SAV1: variants seen among roughly 807,000 people sequenced by gnomAD.
SAV1 encodes protein salvador homolog 1.
In SAV1, 23 loss-of-function variants were observed where a neutral mutation model predicts 47.3. That is an observed-to-expected ratio of 0.49 (90% CI 0.35 to 0.69). SAV1 has a LOEUF of 0.69. SAV1 is among the 30% of genes least tolerant of loss of function. The pLI is 0.01. For synonymous variants in SAV1, 155 were observed against 159.2 expected (o/e 0.97, Z 0.20); for missense variants, 448 against 457.4 (o/e 0.98, Z 0.19).
At chr14:50,659,723 G>A (rs1294811235) in intron 2 of SAV1, among the ~76,000 whole-genome samples, 1 of 152,178 alleles carries the variant, frequency 6.6e-6, no homozygotes, top group Non-Finnish European at 1.5e-5. Flanking sequence ...GTGCATGCCT[G>A]TAGTCCCAGC....
At chr14:50,636,434 A>G (rs1399188344) in intron 4 of SAV1, among the ~76,000 whole-genome samples, 2 of 152,204 alleles carry the variant, frequency 1.3e-5, no homozygotes, top group Non-Finnish European at 2.9e-5. Flanking sequence ...CAAACAGGAA[A>G]ACTAAAGAAG....
In SAV1 at chr14:50,665,359, C is replaced by T. The variant is rs1161938531; in HGVS notation, c.355G>A (p.Glu119Lys). 6.2e-7 allele frequency: 1 copy of T among 1,612,348 alleles called. No homozygotes were observed. The highest frequency in any genetic ancestry group is 8.5e-7 in the Non-Finnish European group (1 of 1,179,108). The change falls in exon 2 of 5, where the codon GAA (glutamate) becomes AAA (lysine). Residue 119 changes from glutamate (E) to lysine (K), a missense_variant. Physicochemically the swap from Glu to Lys is moderately conservative, Grantham distance 56. Coordinates refer to ENST00000324679, the MANE Select transcript of SAV1 (RefSeq NM_021818.4). ...CCATTTTCAACAGCAAAACTAACTT[C>T]CGTTACAAATGACTGAGAAGAACCA... is the stretch of plus-strand genomic sequence containing the variant. ...EYGSSQSFVT[E>K]VSFAVENGDS...
At chr14:50,647,994 A>G (rs1359219668) in intron 2 of SAV1, among the ~76,000 whole-genome samples, 1 of 152,254 alleles carries the variant, frequency 6.6e-6, no homozygotes, top group Non-Finnish European at 1.5e-5. Context: ...CCATTTGTGG[A>G]TATTTACAAT....
intron 2 of SAV1, among the ~76,000 whole-genome samples, chr14:50,652,386 C>T (rs2039776600): frequency 6.6e-6 from 1 of 152,086 alleles, no homozygotes; most frequent in African/African-American, 2.4e-5. Context: ...AGCATTAATC[C>T]ACCAAATAGC....
chr14:50,644,287 C>T (rs1375377515), intron 3 of SAV1, among the ~76,000 whole-genome samples: 1 of 152,174 alleles, frequency 6.6e-6, no homozygotes, highest in African/African-American at 2.4e-5. Flanking sequence ...TGTTCAGTCC[C>T]AATTTTCACT....
intron 2 of SAV1, among the ~76,000 whole-genome samples, chr14:50,645,891 CAA>C (rs960674847): frequency 2.0e-5 from 3 of 151,978 alleles, no homozygotes; most frequent in African/African-American, 4.8e-5. Context: ...CAACTGGAAA[CAA>C]AAGTTATTGA....
intron 2 of SAV1, 51 bp downstream of exon 2, chr14:50,665,128 T>A: frequency 2.1e-6 from 3 of 1,463,066 alleles, no homozygotes; most frequent in Non-Finnish European, 2.7e-6. Flanking sequence ...ATCTTTTTAA[T>A]TGACATGTCA....
chr14:50,644,560 T>TG (rs1372121816), intron 3 of SAV1, among the ~76,000 whole-genome samples, 184 bp downstream of exon 3: 1 of 101,936 alleles, frequency 9.8e-6, no homozygotes, highest in Admixed American at 8.9e-5. Context: ...GAGAAAAGTA[T>TG]TTTTTTAACT....
At chr14:50,643,174 G>A (rs2039694140) in intron 3 of SAV1, among the ~76,000 whole-genome samples, 1 of 151,984 alleles carries the variant, frequency 6.6e-6, no homozygotes, top group African/African-American at 2.4e-5. Flanking sequence ...GCTGAGAGAA[G>A]TAAATTAACT....
chr14:50,644,700 G>T, intron 3 of SAV1, 44 bp downstream of exon 3: 1 of 1,565,074 alleles, frequency 6.4e-7, no homozygotes, highest in South Asian at 1.2e-5. Flanking sequence ...CCTAACATTA[G>T]ACAATCCCGA....
intron 2 of SAV1, among the ~76,000 whole-genome samples, chr14:50,660,978 G>A (rs889835195): frequency 2.6e-5 from 4 of 152,192 alleles, no homozygotes; most frequent in African/African-American, 4.8e-5. Flanking sequence ...ATACCCAGCA[G>A]TGGAACTGCC....
In SAV1 at chr14:50,634,916, C is replaced by T; in HGVS notation, c.*267G>A. 2.9e-6 allele frequency: 1 copy of T among 349,668 alleles called. No homozygotes were observed. The highest frequency in any genetic ancestry group is 2.1e-5 in the African/African-American group (1 of 46,796). The allele number at this position is 349,668 out of a possible 1,614,324, so 21.7% of individuals were successfully genotyped here. A position where few individuals can be genotyped will look rare whatever the true frequency, so the allele number is the denominator to read the frequency against. On this transcript the variant is annotated 3_prime_UTR_variant, in exon 5 of 5. Coordinates refer to ENST00000324679, the MANE Select transcript of SAV1 (RefSeq NM_021818.4). The stretch of plus-strand genomic sequence containing the variant: ...TTAACATCTGTTCATAATGACATTT[C>T]CGCTGCGTTTTTTTCCATCAAGAAT...
chr14:50,640,324 T>C (rs2039671138), intron 4 of SAV1, among the ~76,000 whole-genome samples: 1 of 152,150 alleles, frequency 6.6e-6, no homozygotes, highest in Non-Finnish European at 1.5e-5. Flanking sequence ...CTCGTTATGT[T>C]GCCTAGACTG....
Position 50,668,018 on chromosome 14 carries a change from C to A in SAV1, c.-51G>T. The A allele has an allele frequency of 7.2e-7, 1 of 1,387,510 alleles. No homozygotes were observed. Among genetic ancestry groups the A allele is most frequent in the Non-Finnish European group, 9.6e-7 (1 of 1,046,306 alleles). 85.9% of individuals were successfully genotyped at this position (1,387,510 alleles called of 1,614,324 possible). On this transcript the variant is annotated 5_prime_UTR_variant, in exon 1 of 5. Coordinates refer to ENST00000324679, the MANE Select transcript of SAV1 (RefSeq NM_021818.4). ...GCTGAACTGCCTCCCTAGGGCTCCG[C>A]GCCGGGCGCCGGCCGTCTCCGCCGC...
intron 4 of SAV1, chr14:50,637,549 A>T (rs141878100): frequency 1.3e-5 from 2 of 152,304 alleles, no homozygotes; most frequent in South Asian, 4.1e-4. Context: ...CAAGGAAAAC[A>T]AAGAACAAAA....
chr14:50,642,188 T>C (rs946135864), intron 3 of SAV1, among the ~76,000 whole-genome samples: 10 of 152,058 alleles, frequency 6.6e-5, no homozygotes, highest in Non-Finnish European at 1.5e-4. Flanking sequence ...ACAATAAACA[T>C]TGAGGCCTAC....
chr14:50,634,073 T>C lies in SAV1; in HGVS notation c.*1110A>G. On this transcript the variant is annotated 3_prime_UTR_variant, in exon 5 of 5. Transcript: ENST00000324679. ...ATTTTTTTTGAATCCCTGGTTGTCA[T>C]TTTTGGTAGCTTAACCCAGTCTGTC... 2 of 306,188 alleles carry C rather than the reference T, an allele frequency of 6.5e-6. No homozygotes were observed. The highest frequency in any genetic ancestry group is 1.4e-5 in the Non-Finnish European group (2 of 145,116). The allele number at this position is 306,188 out of a possible 1,614,324, so 19.0% of individuals were successfully genotyped here.
intron 2 of SAV1, chr14:50,662,698 T>C (rs1412839420): frequency 6.6e-6 from 1 of 152,242 alleles, no homozygotes; most frequent in Non-Finnish European, 1.5e-5. Flanking sequence ...TTGTTATTAA[T>C]TCCTCATATT....
chr14:50,659,971 C>CT (rs1342995687), intron 2 of SAV1, among the ~76,000 whole-genome samples: 1 of 152,238 alleles, frequency 6.6e-6, no homozygotes, highest in African/African-American at 2.4e-5. Flanking sequence ...ATCTCACCTC[C>CT]TGCAAACTCT....
Sources: allele counts gnomAD v4.1 joint callset (sites outside exome capture counted in the v4.1 genomes callset), GRCh38; gene constraint gnomAD v4.1.1; transcripts MANE v1.5; gene names NCBI Gene and HGNC (gene_info 2026-07-23, HGNC 2026-07-21).